The following BMPER variants were observed in gnomAD, a reference collection of about 807,000 sequenced individuals.
The protein encoded by BMPER is BMP-binding endothelial regulator protein.
In BMPER, 45 loss-of-function variants were observed where a neutral mutation model predicts 87.3. That is an observed-to-expected ratio of 0.52 (90% CI 0.41 to 0.66). The LOEUF (loss-of-function observed/expected upper bound fraction) is 0.66. Ranked by LOEUF, BMPER falls within the 30% of genes least tolerant of loss-of-function variation. The pLI is 0.00. For synonymous variants in BMPER, 326 were observed against 316.2 expected, an observed-to-expected ratio of 1.03 and a Z score of -0.33; for missense variants, 784 against 867.5, an observed-to-expected ratio of 0.90 and a Z score of 1.21.
intron 6 of BMPER, among the ~76,000 whole-genome samples, chr7:34,025,276 A>G (rs1352458051): frequency 6.6e-6 from 1 of 152,064 alleles, no homozygotes; most frequent in East Asian, 1.9e-4. Flanking sequence ...TGATTTTTAA[A>G]TATACATTTT....
intron 2 of BMPER, among the ~76,000 whole-genome samples, chr7:33,928,343 G>T (rs571515295): frequency 6.6e-6 from 1 of 152,112 alleles, no homozygotes; most frequent in Non-Finnish European, 1.5e-5. Flanking sequence ...CTGGCTCTGC[G>T]TGTTCCCTCC....
chr7:33,962,914 A>G (rs750186746), intron 3 of BMPER, among the ~76,000 whole-genome samples: 1 of 152,162 alleles, frequency 6.6e-6, no homozygotes, highest in Non-Finnish European at 1.5e-5. Context: ...TAGATCTGCT[A>G]TGATTTAATT....
At chr7:33,921,807 A>G (rs1282940789) in intron 2 of BMPER, 2 of 470,900 alleles carry the variant, frequency 4.2e-6, no homozygotes, top group East Asian at 7.0e-5. Context: ...GCAATCTGAC[A>G]CAAAACCCAG....
chr7:34,056,546 CCT>C (rs1788289529), intron 9 of BMPER, among the ~76,000 whole-genome samples: 1 of 152,058 alleles, frequency 6.6e-6, no homozygotes, highest in Non-Finnish European at 1.5e-5. Flanking sequence ...GTCGCCTCCT[CCT>C]CTGTCTCCAG....
chr7:34,102,655 G>C (rs1203691600), intron 13 of BMPER, among the ~76,000 whole-genome samples: 1 of 152,112 alleles, frequency 6.6e-6, no homozygotes, highest in Non-Finnish European at 1.5e-5. Context: ...CCTTATTCTA[G>C]AGTATTTGTG....
At chr7:33,969,809 A>C (rs1785492750) in intron 4 of BMPER, among the ~76,000 whole-genome samples, 1 of 152,212 alleles carries the variant, frequency 6.6e-6, no homozygotes, top group Non-Finnish European at 1.5e-5. Flanking sequence ...ACTGAGACCC[A>C]GGCTCTGTGT....
intron 3 of BMPER, among the ~76,000 whole-genome samples, chr7:33,956,507 G>A (rs530401492): frequency 9.2e-5 from 14 of 152,160 alleles, no homozygotes; most frequent in African/African-American, 3.4e-4. Context: ...CCACTCACAT[G>A]CAGATCTTTT....
chr7:33,999,078 A>T (rs1028603323), intron 6 of BMPER, among the ~76,000 whole-genome samples: 2 of 152,256 alleles, frequency 1.3e-5, no homozygotes, highest in Non-Finnish European at 2.9e-5. Flanking sequence ...ATGCGAAGTC[A>T]TTCTTTCTAG....
chr7:34,153,389 T>C lies in BMPER; in HGVS notation c.*116T>C, dbSNP rs1583487989. ...ATTCTGTAAACACACACACACAGAG[T>C]ATATATGTGTATATATATATAGATA... On this transcript the variant is annotated 3_prime_UTR_variant, in exon 15 of 15. Transcript: ENST00000649409. The C allele has an allele frequency of 1.1e-6, 1 of 886,374 alleles. No homozygotes were observed. Among genetic ancestry groups the C allele is most frequent in the Non-Finnish European group, 1.8e-6 (1 of 553,974 alleles). 54.9% of individuals were successfully genotyped at this position (886,374 alleles called of 1,614,324 possible). A position where few individuals can be genotyped will look rare whatever the true frequency, so the allele number is the denominator to read the frequency against.
At chr7:34,093,966 G>A (rs566961711) in intron 13 of BMPER, among the ~76,000 whole-genome samples, 4 of 152,194 alleles carry the variant, frequency 2.6e-5, no homozygotes, top group Admixed American at 6.5e-5. Flanking sequence ...TCATTTTACC[G>A]TGTAGCTAAT....
intron 13 of BMPER, among the ~76,000 whole-genome samples, chr7:34,103,431 G>T (rs1789735334): frequency 6.6e-6 from 1 of 152,132 alleles, no homozygotes; most frequent in African/African-American, 2.4e-5. Flanking sequence ...TTCTACAGGG[G>T]GAGCGATACA....
rs180703880 is a variant in BMPER at position 33,998,050 on chromosome 7, A to G, written c.576+23266A>G. 5.6e-4 allele frequency among the ~76,000 whole-genome samples: 85 copies of G among 152,248 alleles called. 1 individual carries two copies. The highest frequency in any genetic ancestry group is 2.0e-3 in the African/African-American group (84 of 41,544). The stretch of plus-strand genomic sequence containing the variant: ...CTGGTAGAATACAAGCTCCATTAGG[A>G]CTGGGACATTGTTTTGTTCATTGCT... On this transcript the variant is annotated intron_variant, in intron 6 of 14. Transcript: ENST00000649409.
At chr7:34,090,522 G>A (rs578175876) in intron 13 of BMPER, among the ~76,000 whole-genome samples, 5 of 152,236 alleles carry the variant, frequency 3.3e-5, no homozygotes, top group South Asian at 4.1e-4. Context: ...CTACCTTCCC[G>A]CTGTGGACTT....
chr7:34,114,281 C>G (rs1341076561), intron 13 of BMPER, among the ~76,000 whole-genome samples: 1 of 152,178 alleles, frequency 6.6e-6, no homozygotes, highest in Non-Finnish European at 1.5e-5. Context: ...AGGACCTATG[C>G]CGGTCTACTT....
chr7:33,961,188 C>G (rs1375376559), intron 3 of BMPER, among the ~76,000 whole-genome samples: 1 of 152,084 alleles, frequency 6.6e-6, no homozygotes, highest in African/African-American at 2.4e-5. Flanking sequence ...GGAGGGAGTA[C>G]AAGTTTGGGA....
At chr7:34,077,734 G>C (rs1166583245) in intron 11 of BMPER, among the ~76,000 whole-genome samples, 1 of 152,070 alleles carries the variant, frequency 6.6e-6, no homozygotes, top group African/African-American at 2.4e-5. Flanking sequence ...GTTTCCATTG[G>C]ATCCCCTTGG....
chr7:33,941,847 C>G (rs1784776378), intron 3 of BMPER, among the ~76,000 whole-genome samples: 2 of 152,236 alleles, frequency 1.3e-5, no homozygotes, highest in South Asian at 4.1e-4. Flanking sequence ...GGTTGGGGAC[C>G]CTTGACTTAA....
chr7:34,093,511 T>A (rs1789447474), intron 13 of BMPER, among the ~76,000 whole-genome samples: 1 of 152,228 alleles, frequency 6.6e-6, no homozygotes, highest in African/African-American at 2.4e-5. Context: ...AACACACTCC[T>A]GTCAGGCAGG....
intron 2 of BMPER, among the ~76,000 whole-genome samples, chr7:33,915,346 A>C (rs1320052642): frequency 6.6e-6 from 1 of 152,234 alleles, no homozygotes; most frequent in Non-Finnish European, 1.5e-5. Flanking sequence ...GTAAACTTTT[A>C]AGTTTGCTCT....
Sources: gnomAD v4.1 joint callset for allele counts (sites outside exome capture counted in the v4.1 genomes callset) on GRCh38, gnomAD v4.1.1 for gene constraint, MANE v1.5 for transcripts, NCBI Gene and HGNC (gene_info 2026-07-23, HGNC 2026-07-21) for gene names.